The following ARRB1 variants were observed in gnomAD, a reference collection of about 807,000 sequenced individuals.
ARRB1 encodes arrestin beta 1.
In ARRB1, 21 loss-of-function variants were observed where a neutral mutation model predicts 56.8. The ratio of observed to expected loss-of-function variants is 0.37; its 90% CI spans 0.26 to 0.53. ARRB1 has a LOEUF of 0.53. Ranked by LOEUF, ARRB1 falls within the 20% of genes least tolerant of loss-of-function variation. The pLI is 0.88. For missense variants in ARRB1, 424 were observed against 553.7 expected (o/e 0.77, Z 2.35); for synonymous variants, 210 against 218.6 (o/e 0.96, Z 0.35).
intron 1 of ARRB1, among the ~76,000 whole-genome samples, chr11:75,316,449 T>C (rs978054092): frequency 2.6e-5 from 4 of 152,176 alleles, no homozygotes; most frequent in African/African-American, 9.7e-5. Context: ...AGAGTGAGCC[T>C]AGGCTAGAGG....
At chr11:75,270,259 TC>T (rs1324613275) in intron 13 of ARRB1, among the ~76,000 whole-genome samples, 1 of 152,164 alleles carries the variant, frequency 6.6e-6, no homozygotes, top group African/African-American at 2.4e-5. Context: ...GGCGGGCAGA[TC>T]CCTTGAGCTC....
intron 15 of ARRB1, 91 bp from the exon 16 acceptor site, chr11:75,266,365 T>C: frequency 1.9e-6 from 2 of 1,078,458 alleles, no homozygotes; most frequent in Non-Finnish European, 2.8e-6. Context: ...ACTCAGAGTA[T>C]GGCTCTGGGG....
At chr11:75,319,523 T>C (rs1329065762) in intron 1 of ARRB1, among the ~76,000 whole-genome samples, 1 of 152,204 alleles carries the variant, frequency 6.6e-6, no homozygotes, top group Non-Finnish European at 1.5e-5. Context: ...TCCTTCAAAA[T>C]GCAGTTGGGC....
chr11:75,319,318 GCA>G (rs1370288961), intron 1 of ARRB1, among the ~76,000 whole-genome samples: 1 of 152,186 alleles, frequency 6.6e-6, no homozygotes, highest in East Asian at 1.9e-4. Context: ...CAGGCCCGCA[GCA>G]CAGAGACCCG....
chr11:75,273,066 G>A (rs946427424), intron 11 of ARRB1, 88 bp from the exon 12 acceptor site: 21 of 1,122,158 alleles, frequency 1.9e-5, no homozygotes, highest in African/African-American at 6.2e-5. Flanking sequence ...GGCAGTGGCC[G>A]TCCATCCCCC....
rs940557121 is a variant in ARRB1, at chr11:75,312,132, G to A, written c.21-22093C>T. On this transcript the variant is annotated intron_variant, in intron 1 of 15. Transcript: ENST00000420843. Reference sequence around the variant, plus strand: ...CCATCTCTTGCAGTGGCTGCTGCTGGCCTCTCCCTTCTCCTTCCTCCACCC... The same window carrying A: ...CCATCTCTTGCAGTGGCTGCTGCTGACCTCTCCCTTCTCCTTCCTCCACCC... The A allele has an allele frequency of 3.2e-4, 417 of 1,289,292 alleles. 1 individual carries two copies. The highest frequency in any genetic ancestry group is 3.6e-4 in the Non-Finnish European group (357 of 988,862). The allele number at this position is 1,289,292 out of a possible 1,614,324, so 79.9% of individuals were successfully genotyped here.
At position 75,283,346 on chromosome 11, in the gene ARRB1, G is replaced by A. The variant is rs369966242; in HGVS notation, c.295C>T (p.Arg99Trp). 1.3e-5 allele frequency: 21 copies of A among 1,613,932 alleles called. No homozygotes were observed. The highest frequency in any genetic ancestry group is 1.2e-4 in the Admixed American group (7 of 59,986). Reference protein sequence around the residue: ...PAPEDKKPLTRLQERLIKKLG... With the variant: ...PAPEDKKPLTWLQERLIKKLG... ...TTCTTGATGAGGCGTTCCTGCAGCC[G>A]CGTCAGGGGCTTCTTGTCCTCGGGG... is the stretch of plus-strand genomic sequence containing the variant. Residue 99 changes from arginine (R) to tryptophan (W), a missense_variant, in exon 5 of 16, where the codon CGG becomes TGG. Around this residue, in one of 3 missense-constraint regions of ARRB1, gnomAD observed 301 missense variants for 387.9 expected, o/e 0.78. Coordinates refer to ENST00000420843, the MANE Select transcript of ARRB1 (RefSeq NM_004041.5).
intron 1 of ARRB1, among the ~76,000 whole-genome samples, chr11:75,332,391 C>T (rs1262249585): frequency 6.6e-6 from 1 of 152,162 alleles, no homozygotes; most frequent in Non-Finnish European, 1.5e-5. Flanking sequence ...TCGAGGCCCT[C>T]CCAATCCTGA....
At chr11:75,270,534 A>AC (rs1402738039) in intron 13 of ARRB1, among the ~76,000 whole-genome samples, 1 of 152,046 alleles carries the variant, frequency 6.6e-6, no homozygotes, top group Non-Finnish European at 1.5e-5. Flanking sequence ...AGGCTGAGGC[A>AC]GAGAACTGCT....
chr11:75,316,726 A>C (rs1257142053), intron 1 of ARRB1, among the ~76,000 whole-genome samples: 1 of 152,120 alleles, frequency 6.6e-6, no homozygotes, highest in African/African-American at 2.4e-5. Context: ...AGACCAGCCT[A>C]GGCAAGACAG....
chr11:75,339,784 C>T (rs1947667497), intron 1 of ARRB1, among the ~76,000 whole-genome samples: 2 of 152,202 alleles, frequency 1.3e-5, no homozygotes, highest in East Asian at 3.8e-4. Context: ...TTTCAGGTGC[C>T]CAGCACAGGG....
chr11:75,269,128 TG>T, intron 13 of ARRB1, 169 bp from the exon 14 acceptor site: 1 of 765,432 alleles, frequency 1.3e-6, no homozygotes. Flanking sequence ...TCGGTCTGCC[TG>T]GGAGCTGGAC....
chr11:75,269,292 C>T (rs1333661252), intron 13 of ARRB1: 8 of 474,558 alleles, frequency 1.7e-5, no homozygotes, highest in Non-Finnish European at 2.8e-5. Context: ...CCAGAGGTGC[C>T]CTGGGACCCC....
chr11:75,333,664 C>G (rs913208205), intron 1 of ARRB1, among the ~76,000 whole-genome samples: 1 of 152,062 alleles, frequency 6.6e-6, no homozygotes, highest in Non-Finnish European at 1.5e-5. Flanking sequence ...GATTTTATTA[C>G]CCCCATTTTA....
intron 1 of ARRB1, among the ~76,000 whole-genome samples, chr11:75,315,646 G>C (rs116441878): frequency 6.6e-6 from 1 of 152,122 alleles, no homozygotes; most frequent in Admixed American, 6.5e-5. Flanking sequence ...CTAGAGAGTG[G>C]TTTTCTTGGT....
intron 1 of ARRB1, among the ~76,000 whole-genome samples, chr11:75,328,848 T>C (rs1394975777): frequency 6.6e-6 from 1 of 152,042 alleles, no homozygotes; most frequent in African/African-American, 2.4e-5. Flanking sequence ...ATCCCAGTAT[T>C]CCTCAATGCA....
chr11:75,279,372 G>A (rs1312508802), intron 7 of ARRB1, among the ~76,000 whole-genome samples: 1 of 152,148 alleles, frequency 6.6e-6, no homozygotes, highest in Non-Finnish European at 1.5e-5. Flanking sequence ...AGGGGAGAAG[G>A]CCCATGGATG....
intron 1 of ARRB1, among the ~76,000 whole-genome samples, chr11:75,321,396 A>C (rs1304223553): frequency 5.9e-5 from 9 of 151,842 alleles, no homozygotes; most frequent in Non-Finnish European, 1.2e-4. Flanking sequence ...TGACCACCAA[A>C]GTAACCCATC....
intron 1 of ARRB1, among the ~76,000 whole-genome samples, chr11:75,351,094 G>A (rs1202130535): frequency 1.3e-5 from 2 of 152,240 alleles, no homozygotes; most frequent in Non-Finnish European, 2.9e-5. Context: ...CCACACGTGT[G>A]TGCCAGCACG....
Sources: allele counts gnomAD v4.1 joint callset (sites outside exome capture counted in the v4.1 genomes callset), GRCh38; gene constraint gnomAD v4.1.1; regional missense constraint gnomAD v4.1.1; transcripts MANE v1.5; gene names NCBI Gene and HGNC (gene_info 2026-07-23, HGNC 2026-07-21).